NSDHL: variants seen among roughly 807,000 people sequenced by gnomAD.
NSDHL encodes NAD(P) dependent 3-beta-hydroxysteroid dehydrogenase NSDHL.
NSDHL carries 1 observed loss-of-function variant against 23.0 expected under a neutral mutation model. That is an observed-to-expected ratio of 0.04 (90% confidence interval 0.02 to 0.21). NSDHL has a LOEUF of 0.21. Ranked by LOEUF, NSDHL falls within the 10% of genes least tolerant of loss-of-function variation. NSDHL has a pLI of 1.00. For synonymous variants in NSDHL, 128 were observed against 121.1 expected, an observed-to-expected ratio of 1.06 and a Z score of -0.37; for missense variants, 237 against 300.9, an observed-to-expected ratio of 0.79 and a Z score of 1.57.
chrX:152,853,670 C>G (rs1452902854), intron 3 of NSDHL, among the ~76,000 whole-genome samples: 1 of 112,433 alleles, frequency 8.9e-6, no homozygotes, highest in Non-Finnish European at 1.9e-5. Flanking sequence ...CACTTCCTCC[C>G]ACACCCGCCT....
chrX:152,862,492 G>T, intron 4 of NSDHL, 104 bp from the exon 5 acceptor site: 1 of 774,257 alleles, frequency 1.3e-6, no homozygotes, highest in Non-Finnish European at 2.0e-6. Flanking sequence ...CCTCGAATGC[G>T]AGGGCAACAA....
intron 3 of NSDHL, among the ~76,000 whole-genome samples, chrX:152,855,169 A>G (rs781884667): frequency 1.8e-5 from 2 of 108,354 alleles, no homozygotes; most frequent in East Asian, 3.0e-4. Flanking sequence ...TAATTTTTAT[A>G]TTCTTAGTAG....
chrX:152,857,111 G>A (rs182465332), intron 3 of NSDHL, among the ~76,000 whole-genome samples: 13 of 112,199 alleles, frequency 1.2e-4, no homozygotes, highest in African/African-American at 4.2e-4. Context: ...TGGGGTCAGG[G>A]AGAAGGGGAA....
At chrX:152,850,147 G>C in intron 2 of NSDHL, 118 bp from the exon 3 acceptor site, 2 of 767,573 alleles carry the variant, frequency 2.6e-6, no homozygotes, top group Non-Finnish European at 2.0e-6. Context: ...GGCTCAAGAA[G>C]AGTTCCAAAC....
rs781945497 is a variant in NSDHL, at chrX:152,867,523, G to A, written c.687-48G>A. Reference sequence around the variant, plus strand: ...AGACTTGGGAGTGGCCCTGGCCTTCGTGCAGGGGCTCCCAGCACGTATTCC... The same window carrying A: ...AGACTTGGGAGTGGCCCTGGCCTTCATGCAGGGGCTCCCAGCACGTATTCC... On this transcript the variant is annotated intron_variant, in intron 6 of 7. Coordinates refer to ENST00000370274, the MANE Select transcript of NSDHL (RefSeq NM_015922.3). 1.5e-5 allele frequency: 15 copies of A among 967,959 alleles called. No homozygotes were observed. The Middle Eastern group carries it at 1.0e-3, about 66-fold the overall frequency. 79.8% of individuals were successfully genotyped at this position (967,959 alleles called of 1,213,427 possible). A position where few individuals can be genotyped will look rare whatever the true frequency, so the allele number is the denominator to read the frequency against.
chrX:152,847,621 A>G (rs1933293883), intron 2 of NSDHL, among the ~76,000 whole-genome samples: 1 of 111,754 alleles, frequency 8.9e-6, no homozygotes, highest in African/African-American at 3.3e-5. Flanking sequence ...TCGAAATAAC[A>G]TTTTTTTCTC....
intron 1 of NSDHL, among the ~76,000 whole-genome samples, chrX:152,842,486 T>C (rs1234251339): frequency 2.7e-5 from 3 of 111,599 alleles, no homozygotes; most frequent in African/African-American, 9.8e-5. Context: ...ACGTTGAGCA[T>C]CGTTTTTTAT....
intron 4 of NSDHL, among the ~76,000 whole-genome samples, chrX:152,861,393 G>C (rs1448573762): frequency 4.4e-5 from 5 of 113,058 alleles, no homozygotes; most frequent in Non-Finnish European, 7.5e-5. Context: ...TGACCTCCCT[G>C]TCTGCCCATG....
chrX:152,837,450 A>G (rs2079038458), intron 1 of NSDHL, among the ~76,000 whole-genome samples: 1 of 111,659 alleles, frequency 9.0e-6, no homozygotes, highest in Non-Finnish European at 1.9e-5. Context: ...AGTAGCTCTT[A>G]TTATTTTGAG....
intron 3 of NSDHL, among the ~76,000 whole-genome samples, chrX:152,857,044 C>CA (rs1257323600): frequency 4.5e-5 from 5 of 111,128 alleles, no homozygotes; most frequent in Non-Finnish European, 9.5e-5. Flanking sequence ...GACAATGTCT[C>CA]AAAAAAATAA....
intron 2 of NSDHL, among the ~76,000 whole-genome samples, chrX:152,849,534 G>A (rs1469983502): frequency 1.8e-5 from 2 of 112,582 alleles, no homozygotes; most frequent in Admixed American, 1.9e-4. Context: ...AATTACCCAA[G>A]GAATCGTGTG....
chrX:152,835,604 C>T (rs1199682933), intron 1 of NSDHL, among the ~76,000 whole-genome samples: 5 of 109,667 alleles, frequency 4.6e-5, no homozygotes, highest in African/African-American at 1.7e-4. Context: ...CCAGCTTCAT[C>T]CATGCCCCTA....
intron 5 of NSDHL, among the ~76,000 whole-genome samples, chrX:152,863,175 A>C (rs1343321528): frequency 1.8e-5 from 2 of 111,770 alleles, no homozygotes; most frequent in Non-Finnish European, 3.8e-5. Flanking sequence ...CCCAAAAAAA[A>C]AAAAGTTACT....
rs782631270 is a variant in NSDHL at position 152,865,830 on chromosome X, C to A, written c.555C>A (p.Gly185=). ...CCACTCTCCTCCAGGCAGTTCTGGG[C>A]GCCAACGATCCTGAGAAGAATTTCT... ...TKILQERAVL[G]ANDPEKNFLT... is the part of the protein sequence containing the mutation. Residue 185 remains glycine (G), a synonymous_variant, in exon 6 of 8, where the codon GGC becomes GGA. Transcript: ENST00000370274. 8.3e-7 allele frequency: 1 copy of A among 1,211,377 alleles called. No individual in the cohort carries two copies. The highest frequency in any genetic ancestry group is 1.1e-6 in the Non-Finnish European group (1 of 895,461).
intron 1 of NSDHL, among the ~76,000 whole-genome samples, chrX:152,837,810 T>C (rs1933123195): frequency 1.8e-5 from 2 of 112,143 alleles, no homozygotes; most frequent in South Asian, 7.4e-4. Context: ...GCTGGCCTCA[T>C]AAAATGAGTT....
At position 152,856,203 on chromosome X, in the gene NSDHL, A is replaced by G. The variant is rs782738957; in HGVS notation, c.268-2567A>G. ...GATGGCGCTGTCCATTAAGGCAGCC[A>G]TTAGCCACGTGCAACTATTGGGCAC... is the stretch of plus-strand genomic sequence containing the variant. On this transcript the variant is annotated intron_variant, in intron 3 of 7. Coordinates refer to ENST00000370274, the MANE Select transcript of NSDHL (RefSeq NM_015922.3). 3.8e-3 allele frequency among the ~76,000 whole-genome samples: 424 copies of G among 112,100 alleles called. 1 individual carries two copies. Among genetic ancestry groups the G allele is most frequent in the African/African-American group, 0.013 (407 of 30,806 alleles).
intron 3 of NSDHL, 64 bp from the exon 4 acceptor site, chrX:152,858,706 A>G (rs1569474349): frequency 1.9e-6 from 2 of 1,073,028 alleles, no homozygotes; most frequent in African/African-American, 3.6e-5. Context: ...GAGGGTGAAA[A>G]CATGAGAATG....
intron 3 of NSDHL, among the ~76,000 whole-genome samples, chrX:152,854,133 A>G (rs1325391490): frequency 1.8e-5 from 2 of 112,091 alleles, no homozygotes; most frequent in African/African-American, 6.5e-5. Context: ...TGTTGTTGCT[A>G]GTATGTTATT....
chrX:152,869,435 G>A lies in NSDHL; in HGVS notation c.*319G>A, dbSNP rs12558405. The A allele has an allele frequency of 0.19, 58,340 of 314,518 alleles. 4,103 individuals carry two copies. The highest frequency in any genetic ancestry group is 0.27 in the African/African-American group (9,911 of 36,459). The allele number at this position is 314,518 out of a possible 1,213,427, so 25.9% of individuals were successfully genotyped here. A position where few individuals can be genotyped will look rare whatever the true frequency, so the allele number is the denominator to read the frequency against. ...TTATACATTTCATTCCAGTGTCCTT[G>A]TACATAATCAAGGAAGCTGTAGGAA... On this transcript the variant is annotated 3_prime_UTR_variant, in exon 8 of 8. Transcript: ENST00000370274.
Sources: gnomAD v4.1 joint callset for allele counts (sites outside exome capture counted in the v4.1 genomes callset) on GRCh38, gnomAD v4.1.1 for gene constraint, MANE v1.5 for transcripts, NCBI Gene and HGNC (gene_info 2026-07-23, HGNC 2026-07-21) for gene names.